Variants in MAPRE2 observed in about 807,000 individuals in gnomAD.
MAPRE2 encodes microtubule associated protein RP/EB family member 2.
In MAPRE2, 13 loss-of-function variants were observed where a neutral mutation model predicts 43.2. The ratio of observed to expected loss-of-function variants is 0.30; its 90% confidence interval spans 0.20 to 0.48. The LOEUF (loss-of-function observed/expected upper bound fraction) is 0.48, where lower values mean the gene tolerates loss of function less well. Among genes scored for constraint, MAPRE2 ranks in the 20% least tolerant of loss-of-function variants. The pLI, the probability that MAPRE2 is intolerant of heterozygous loss-of-function variation, is 0.99. For synonymous variants in MAPRE2, 135 were observed against 148.8 expected, an observed-to-expected ratio of 0.91 and a Z score of 0.68; for missense variants, 161 against 400.2, an observed-to-expected ratio of 0.40 and a Z score of 5.10.
intron 6 of MAPRE2, among the ~76,000 whole-genome samples, chr18:35,139,201 G>A (rs577283653): frequency 1.3e-5 from 2 of 152,290 alleles, no homozygotes; most frequent in African/African-American, 4.8e-5. Flanking sequence ...AGAGGGGCCC[G>A]ACAGACAGGG....
chr18:34,988,486 C>A (rs910040564), intron 1 of MAPRE2: 1 of 152,110 alleles, frequency 6.6e-6, no homozygotes, highest in East Asian at 1.9e-4. Flanking sequence ...ATAGAGAAAG[C>A]GAAGTCTGAC....
chr18:34,981,354 G>T (rs776495448), intron 1 of MAPRE2, among the ~76,000 whole-genome samples: 2 of 151,794 alleles, frequency 1.3e-5, no homozygotes, highest in African/African-American at 4.8e-5. Context: ...CTCCAGCCTG[G>T]GGGACAGAGA....
intron 2 of MAPRE2, among the ~76,000 whole-genome samples, chr18:35,088,833 T>C (rs1020530907): frequency 6.6e-6 from 1 of 152,178 alleles, no homozygotes; most frequent in Admixed American, 6.5e-5. Context: ...AACAACTGTT[T>C]GATTTGATAG....
intron 2 of MAPRE2, among the ~76,000 whole-genome samples, chr18:35,092,058 C>T (rs1908176850): frequency 6.6e-6 from 1 of 152,286 alleles, no homozygotes; most frequent in African/African-American, 2.4e-5. Context: ...ACACTTGCTA[C>T]ACACTTTTAA....
At chr18:34,977,604 G>C (rs895009384) in intron 1 of MAPRE2, among the ~76,000 whole-genome samples, 12 of 152,206 alleles carry the variant, frequency 7.9e-5, no homozygotes, top group Non-Finnish European at 1.3e-4. Flanking sequence ...GCGCTTGGGA[G>C]CATCCCCTGG....
intron 2 of MAPRE2, among the ~76,000 whole-genome samples, chr18:35,092,389 T>G (rs1006566244): frequency 6.6e-6 from 1 of 152,214 alleles, no homozygotes; most frequent in Non-Finnish European, 1.5e-5. Flanking sequence ...TAAATGATGC[T>G]AAGAAATCTG....
chr18:35,030,828 C>T (rs1363373468), intron 2 of MAPRE2, among the ~76,000 whole-genome samples: 1 of 152,174 alleles, frequency 6.6e-6, no homozygotes, highest in Non-Finnish European at 1.5e-5. Flanking sequence ...CCACAATACG[C>T]ACACATTCAC....
chr18:35,094,090 GA>G lies in MAPRE2; in HGVS notation c.251-3349del, dbSNP rs914907983. Among the ~76,000 whole-genome samples the G allele has an allele frequency of 5.3e-5, 8 of 151,812 alleles. No homozygotes were observed. The South Asian group carries it at 1.7e-3, about 32-fold the overall frequency. On this transcript the variant is annotated intron_variant, in intron 2 of 6. Coordinates refer to ENST00000300249, the MANE Select transcript of MAPRE2 (RefSeq NM_014268.4). Reference sequence around the variant, plus strand: ...AAGTAAATATTTTGCAGCCACTTGGGAAAAAAATAGCGACTTTGAATGTTCT... The same window carrying G: ...AAGTAAATATTTTGCAGCCACTTGGGAAAAAATAGCGACTTTGAATGTTCT...
intron 1 of MAPRE2, among the ~76,000 whole-genome samples, chr18:35,003,282 A>G (rs142498700): frequency 5.9e-5 from 9 of 152,340 alleles, no homozygotes; most frequent in African/African-American, 2.2e-4. Context: ...TTTCGAATCT[A>G]TGTCAAATGA....
chr18:35,026,330 A>G (rs2097045144), intron 2 of MAPRE2, among the ~76,000 whole-genome samples: 1 of 152,158 alleles, frequency 6.6e-6, no homozygotes, highest in African/African-American at 2.4e-5. Flanking sequence ...CAAGTAGGAG[A>G]GAAGCTTCCT....
chr18:35,062,988 T>C (rs950718733), intron 1 of MAPRE2, among the ~76,000 whole-genome samples: 3 of 152,132 alleles, frequency 2.0e-5, no homozygotes, highest in Non-Finnish European at 4.4e-5. Context: ...AAAATAGAGA[T>C]TGTTATGAGA....
At chr18:35,112,159 G>A (rs1350084023) in intron 4 of MAPRE2, among the ~76,000 whole-genome samples, 2 of 150,410 alleles carry the variant, frequency 1.3e-5, no homozygotes, top group African/African-American at 4.9e-5. Flanking sequence ...GCAGAACACT[G>A]TTTCTTTCTT....
intron 4 of MAPRE2, among the ~76,000 whole-genome samples, chr18:35,109,155 G>T (rs1248176026): frequency 6.6e-6 from 1 of 152,184 alleles, no homozygotes; most frequent in Non-Finnish European, 1.5e-5. Flanking sequence ...GTGTAAGGAA[G>T]GGGTTCAGTT....
At chr18:35,020,805 G>T (rs2097041500) in intron 2 of MAPRE2, among the ~76,000 whole-genome samples, 1 of 152,028 alleles carries the variant, frequency 6.6e-6, no homozygotes, top group Non-Finnish European at 1.5e-5. Flanking sequence ...AAAACATGAA[G>T]CATTTGCTTT....
At chr18:35,125,320 C>T (rs560383851) in intron 4 of MAPRE2, among the ~76,000 whole-genome samples, 1 of 152,282 alleles carries the variant, frequency 6.6e-6, no homozygotes, top group South Asian at 2.1e-4. Flanking sequence ...TATAACCCTT[C>T]GGCTCTTGCT....
chr18:35,035,948 T>C (rs893322391), intron 2 of MAPRE2, among the ~76,000 whole-genome samples: 3 of 144,674 alleles, frequency 2.1e-5, no homozygotes, highest in African/African-American at 7.7e-5. Context: ...ACACACCTCA[T>C]CACATTAAGA....
intron 1 of MAPRE2, among the ~76,000 whole-genome samples, chr18:34,998,956 T>A (rs185144557): frequency 6.6e-6 from 1 of 152,190 alleles, no homozygotes; most frequent in African/African-American, 2.4e-5. Context: ...AGATTTCACA[T>A]GTAACCCTTA....
chr18:35,063,360 T>A (rs67508143), intron 1 of MAPRE2, among the ~76,000 whole-genome samples: 5 of 151,834 alleles, frequency 3.3e-5, no homozygotes, highest in African/African-American at 1.2e-4. Flanking sequence ...GCCCGCCTTG[T>A]CCTCCCAAAG....
At chr18:35,112,021 T>G (rs139801628) in intron 4 of MAPRE2, among the ~76,000 whole-genome samples, 3 of 152,322 alleles carry the variant, frequency 2.0e-5, no homozygotes, top group Non-Finnish European at 4.4e-5. Context: ...ACCTTACGTA[T>G]GTCTTTAAGG....
Sources: allele counts gnomAD v4.1 joint callset (sites outside exome capture counted in the v4.1 genomes callset), GRCh38; gene constraint gnomAD v4.1.1; transcripts MANE v1.5; gene names NCBI Gene and HGNC (gene_info 2026-07-23, HGNC 2026-07-21).